Variants in PTGER3 observed in about 807,000 individuals in gnomAD.
PTGER3 encodes the protein prostaglandin E2 receptor EP3 subtype.
Under a neutral mutation model 34.7 loss-of-function variants are expected in PTGER3, and 22 were observed. That is an observed-to-expected ratio of 0.63 (90% CI 0.45 to 0.91). PTGER3 has a LOEUF of 0.91. PTGER3 is among the 40% of genes least tolerant of loss of function. PTGER3 has a pLI of 0.00. For synonymous variants in PTGER3, 241 were observed against 230.1 expected (o/e 1.05, Z -0.43); for missense variants, 468 against 519.4 (o/e 0.90, Z 0.96).
intron 2 of PTGER3, among the ~76,000 whole-genome samples, chr1:70,984,752 T>C (rs1368884783): frequency 6.6e-6 from 1 of 151,970 alleles, no homozygotes; most frequent in Non-Finnish European, 1.5e-5. Context: ...AAAAAAATTT[T>C]AAGTCAATAA....
intron 4 of PTGER3, among the ~76,000 whole-genome samples, chr1:70,889,434 A>G (rs1299808213): frequency 6.6e-6 from 1 of 151,314 alleles, no homozygotes; most frequent in Non-Finnish European, 1.5e-5. Context: ...AAAAAAAAAA[A>G]AGATTGTTCT....
intron 2 of PTGER3, among the ~76,000 whole-genome samples, chr1:70,975,205 G>T (rs952127133): frequency 6.6e-6 from 1 of 152,146 alleles, no homozygotes; most frequent in African/African-American, 2.4e-5. Flanking sequence ...TGAGTCTCCA[G>T]CAGCTACCAC....
intron 4 of PTGER3, among the ~76,000 whole-genome samples, chr1:70,883,591 TACTC>T (rs2100605442): frequency 6.6e-6 from 1 of 152,322 alleles, no homozygotes; most frequent in South Asian, 2.1e-4. Context: ...CTAAAGCAAT[TACTC>T]ACCCATTTTA....
chr1:70,951,786 T>C (rs924195899), downstream of PTGER3, among the ~76,000 whole-genome samples: 2 of 152,110 alleles, frequency 1.3e-5, no homozygotes, highest in Admixed American at 6.6e-5. Context: ...TCTCTGCCCT[T>C]GGGAAACTCA....
intron 2 of PTGER3, among the ~76,000 whole-genome samples, chr1:70,982,468 C>A (rs750113053): frequency 6.6e-6 from 1 of 152,224 alleles, no homozygotes; most frequent in African/African-American, 2.4e-5. Context: ...TGTATGCCAC[C>A]TAATATTGGT....
intron 2 of PTGER3, among the ~76,000 whole-genome samples, chr1:70,994,387 T>C (rs1655740468): frequency 6.6e-6 from 1 of 152,182 alleles, no homozygotes; most frequent in Non-Finnish European, 1.5e-5. Flanking sequence ...TTTCAGTCCC[T>C]AATTATAGTT....
chr1:71,006,229 C>A (rs897158214), intron 2 of PTGER3: 1 of 985,388 alleles, frequency 1.0e-6, no homozygotes, highest in Non-Finnish European at 1.2e-6. Flanking sequence ...CTAGAACCCC[C>A]ACATGGGAGG....
chr1:70,914,277 C>T (rs1647126089), intron 4 of PTGER3, among the ~76,000 whole-genome samples: 1 of 151,584 alleles, frequency 6.6e-6, no homozygotes, highest in Non-Finnish European at 1.5e-5. Flanking sequence ...GCCTCTGTTA[C>T]CTATAAACTG....
intron 4 of PTGER3, among the ~76,000 whole-genome samples, chr1:70,904,541 C>T (rs574639004): frequency 1.3e-5 from 2 of 152,144 alleles, no homozygotes; most frequent in Non-Finnish European, 2.9e-5. Flanking sequence ...AGATGAGGAA[C>T]TTTTTGGGAA....
intron 4 of PTGER3, among the ~76,000 whole-genome samples, chr1:70,853,106 C>A (rs1645718599): frequency 1.3e-5 from 2 of 152,070 alleles, no homozygotes; most frequent in African/African-American, 4.8e-5. Context: ...CAAACATCTA[C>A]TAAAAGAAGA....
intron 4 of PTGER3, among the ~76,000 whole-genome samples, chr1:70,944,475 T>A (rs979004432): frequency 4.6e-5 from 7 of 152,132 alleles, no homozygotes; most frequent in African/African-American, 1.7e-4. Context: ...TCTTCACACA[T>A]CATTTGAGCA....
intron 2 of PTGER3, among the ~76,000 whole-genome samples, chr1:70,978,499 A>T (rs572304435): frequency 6.6e-6 from 1 of 152,260 alleles, no homozygotes; most frequent in African/African-American, 2.4e-5. Flanking sequence ...CAAGGGGGAA[A>T]ATATAGATAA....
chr1:70,853,175 T>C (rs887669194), intron 4 of PTGER3, among the ~76,000 whole-genome samples: 18 of 152,196 alleles, frequency 1.2e-4, no homozygotes, highest in Non-Finnish European at 7.4e-5. Context: ...CCAGTGAAAC[T>C]GGGAAAAGTC....
chr1:71,010,582 C>G (rs907489735), intron 2 of PTGER3: 1 of 984,540 alleles, frequency 1.0e-6, no homozygotes, highest in Non-Finnish European at 1.2e-6. Flanking sequence ...GGTAAAGCCT[C>G]TTTATTATGT....
At chr1:70,937,398 C>G (rs1317486978) in intron 4 of PTGER3, among the ~76,000 whole-genome samples, 1 of 152,052 alleles carries the variant, frequency 6.6e-6, no homozygotes, top group Non-Finnish European at 1.5e-5. Flanking sequence ...AATATGATGT[C>G]CAGCCAGCTG....
intron 4 of PTGER3, among the ~76,000 whole-genome samples, chr1:70,921,400 A>G (rs1021126802): frequency 1.3e-5 from 2 of 152,126 alleles, no homozygotes; most frequent in Non-Finnish European, 2.9e-5. Flanking sequence ...TCTCTCTGCA[A>G]ACCTGTCGAA....
At chr1:71,045,686 G>A (rs1421745415) in intron 1 of PTGER3, among the ~76,000 whole-genome samples, 1 of 152,146 alleles carries the variant, frequency 6.6e-6, no homozygotes, top group African/African-American at 2.4e-5. Flanking sequence ...CTAGGACATG[G>A]AGAAACCTCT....
At chr1:70,949,341 C>T (rs1650521973), downstream of PTGER3, among the ~76,000 whole-genome samples, 1 of 152,148 alleles carries the variant, frequency 6.6e-6, no homozygotes, top group Non-Finnish European at 1.5e-5. Context: ...TTCCACATCT[C>T]TAAGTTGTCC....
At chr1:70,898,094 A>G (rs1471025719) in intron 4 of PTGER3, among the ~76,000 whole-genome samples, 1 of 151,986 alleles carries the variant, frequency 6.6e-6, no homozygotes, top group Non-Finnish European at 1.5e-5. Flanking sequence ...AGTGTCTCCT[A>G]TGCATCCCAG....
Sources: gnomAD v4.1 joint callset for allele counts (sites outside exome capture counted in the v4.1 genomes callset) on GRCh38, gnomAD v4.1.1 for gene constraint, MANE v1.5 for transcripts, NCBI Gene and HGNC (gene_info 2026-07-23, HGNC 2026-07-21) for gene names.